The following SLC9B1 variants were observed in gnomAD, a reference collection of about 807,000 sequenced individuals.
SLC9B1 encodes the protein solute carrier family 9 member B1, also known as sodium/hydrogen exchanger 9B1.
In SLC9B1, 32 loss-of-function variants were observed where a neutral mutation model predicts 51.7. The observed-to-expected ratio is 0.62, with a 90% CI of 0.47 to 0.83. SLC9B1 has a LOEUF of 0.83. Among genes scored for constraint, SLC9B1 ranks in the 40% least tolerant of loss-of-function variants. The probability of loss-of-function intolerance (pLI) is 0.00; values close to 1 mark genes in which losing one functional copy is unlikely to be tolerated. For missense variants in SLC9B1, 406 were observed against 613.2 expected, an observed-to-expected ratio of 0.66 and a Z score of 3.57; for synonymous variants, 145 against 212.7, an observed-to-expected ratio of 0.68 and a Z score of 2.77.
At chr4:102,999,579 T>C (rs192119524) in intron 1 of SLC9B1, among the ~76,000 whole-genome samples, 143 of 152,320 alleles carry the variant, frequency 9.4e-4, no homozygotes, top group African/African-American at 3.4e-3. Flanking sequence ...AAGTTTGACA[T>C]TGTGTACAAA....
chr4:102,955,591 G>T (rs903111621), intron 3 of SLC9B1, among the ~76,000 whole-genome samples: 2 of 152,058 alleles, frequency 1.3e-5, no homozygotes, highest in Non-Finnish European at 2.9e-5. Context: ...AGAGTGGTTT[G>T]AGAATGAACA....
intron 2 of SLC9B1, among the ~76,000 whole-genome samples, chr4:102,991,073 A>G (rs960640375): frequency 6.6e-6 from 1 of 152,092 alleles, no homozygotes; most frequent in Non-Finnish European, 1.5e-5. Context: ...ACTGATGTAG[A>G]CTAAGATGAC....
At chr4:102,975,586 A>ATATATATT (rs1217142990) in intron 3 of SLC9B1, among the ~76,000 whole-genome samples, 1 of 62,304 alleles carries the variant, frequency 1.6e-5, no homozygotes, top group African/African-American at 7.5e-5. Flanking sequence ...ATATATATAT[A>ATATATATT]TTTTTTTTTT....
intron 3 of SLC9B1, among the ~76,000 whole-genome samples, chr4:102,974,160 T>C (rs7659468): frequency 6.8e-6 from 1 of 146,860 alleles, no homozygotes; most frequent in African/African-American, 2.5e-5. Flanking sequence ...TTGCTTGAGC[T>C]GGGGAGGCAG....
chr4:102,986,205 C>A (rs1413313729), intron 3 of SLC9B1, among the ~76,000 whole-genome samples: 1 of 150,774 alleles, frequency 6.6e-6, no homozygotes, highest in Admixed American at 6.6e-5. Context: ...GTTTCTCCTT[C>A]ACTTTTCAAG....
At chr4:103,008,345 T>G (rs1259730493) in intron 1 of SLC9B1, among the ~76,000 whole-genome samples, 1 of 152,124 alleles carries the variant, frequency 6.6e-6, no homozygotes, top group South Asian at 2.1e-4. Context: ...GTCTGTTTGA[T>G]TATATATTAA....
intron 1 of SLC9B1, among the ~76,000 whole-genome samples, chr4:103,012,321 T>G (rs1212931454): frequency 6.6e-6 from 1 of 152,228 alleles, no homozygotes; most frequent in Non-Finnish European, 1.5e-5. Flanking sequence ...CTCCAGTTTC[T>G]AGTAAGACAT....
chr4:102,892,138 A>T (rs564979814), intron 11 of SLC9B1: 1 of 152,338 alleles, frequency 6.6e-6, no homozygotes, highest in South Asian at 2.1e-4. Flanking sequence ...AGCTCACTGC[A>T]GCCTCAGCCT....
chr4:102,984,738 T>G (rs968515865), intron 3 of SLC9B1, among the ~76,000 whole-genome samples: 1 of 152,222 alleles, frequency 6.6e-6, no homozygotes, highest in African/African-American at 2.4e-5. Context: ...TTCAACTATG[T>G]CTTTATTGAA....
chr4:103,017,839 C>T (rs1741468484), intron 1 of SLC9B1, among the ~76,000 whole-genome samples: 1 of 152,184 alleles, frequency 6.6e-6, no homozygotes, highest in Admixed American at 6.5e-5. Flanking sequence ...CCATTGTATT[C>T]ACAATGCCTA....
intron 1 of SLC9B1, chr4:103,014,739 T>C (rs1578422171): frequency 6.6e-6 from 1 of 152,238 alleles, no homozygotes; most frequent in South Asian, 2.1e-4. Flanking sequence ...CAATACTTTC[T>C]ACCCAGCAAC....
At chr4:102,895,755 A>G (rs1051109948) in intron 11 of SLC9B1, among the ~76,000 whole-genome samples, 1 of 152,236 alleles carries the variant, frequency 6.6e-6, no homozygotes, top group Non-Finnish European at 1.5e-5. Context: ...ATGAATTAGC[A>G]AACTATAATA....
Position 103,019,582 on chromosome 4 carries a change from A to C in SLC9B1, c.-2+17T>G. ...CAAAGGGCTTGGAAGGGCGGCGTTA[A>C]GAAAAATGGGCCGTACCTACAACTT... On this transcript the variant is annotated intron_variant, in intron 1 of 11. Transcript: ENST00000296422. 7 of 985,480 alleles carry C rather than the reference A, an allele frequency of 7.1e-6. No homozygotes were observed. Among genetic ancestry groups the C allele is most frequent in the Non-Finnish European group, 8.4e-6 (7 of 829,936 alleles). 61.0% of individuals were successfully genotyped at this position (985,480 alleles called of 1,614,324 possible). A position where few individuals can be genotyped will look rare whatever the true frequency, so the allele number is the denominator to read the frequency against.
At chr4:103,003,186 G>T (rs1740617091) in intron 1 of SLC9B1, among the ~76,000 whole-genome samples, 1 of 151,964 alleles carries the variant, frequency 6.6e-6, no homozygotes, top group Admixed American at 6.6e-5. Context: ...TGTTTCTTCA[G>T]TTCTTTACTT....
At chr4:103,008,103 T>TA (rs1740884737) in intron 1 of SLC9B1, among the ~76,000 whole-genome samples, 1 of 152,228 alleles carries the variant, frequency 6.6e-6, no homozygotes, top group Admixed American at 6.5e-5. Flanking sequence ...ATAAGCTTCT[T>TA]AAAATCCTTT....
At chr4:102,929,498 T>C (rs1211078104) in intron 7 of SLC9B1, among the ~76,000 whole-genome samples, 21 of 152,210 alleles carry the variant, frequency 1.4e-4, no homozygotes, top group Admixed American at 2.6e-4. Context: ...GTGTTTGGCA[T>C]AGTAGCCGGC....
At chr4:102,922,627 T>C (rs548909945) in intron 7 of SLC9B1, among the ~76,000 whole-genome samples, 2 of 152,196 alleles carry the variant, frequency 1.3e-5, no homozygotes, top group South Asian at 2.1e-4. Context: ...AGCTGGTTTT[T>C]TGAAAAGATC....
intron 3 of SLC9B1, among the ~76,000 whole-genome samples, chr4:102,968,439 G>C (rs1055565868): frequency 6.6e-6 from 1 of 152,116 alleles, no homozygotes; most frequent in Non-Finnish European, 1.5e-5. Flanking sequence ...CTAAGCAAAG[G>C]TTTCTTAGAT....
intron 3 of SLC9B1, among the ~76,000 whole-genome samples, chr4:102,975,973 C>A (rs1031454362): frequency 1.6e-4 from 25 of 152,002 alleles, no homozygotes; most frequent in African/African-American, 5.6e-4. Context: ...AGGCCCAGGT[C>A]TAAGTCCTGA....
Sources: gnomAD v4.1 joint callset for allele counts (sites outside exome capture counted in the v4.1 genomes callset) on GRCh38, gnomAD v4.1.1 for gene constraint, MANE v1.5 for transcripts, NCBI Gene and HGNC (gene_info 2026-07-23, HGNC 2026-07-21) for gene names.